The following SCART1 variants were observed in gnomAD, a reference collection of about 807,000 sequenced individuals.
The protein encoded by SCART1 is scavenger receptor family member expressed on T cells 1.
In SCART1, 62 loss-of-function variants were observed where a neutral mutation model predicts 36.2. The observed-to-expected ratio is 1.71, with a 90% confidence interval of 1.40 to 2.12. SCART1 has a LOEUF of 2.12. SCART1 is among the 30% of genes most tolerant of loss of function. The pLI is 0.00. For missense variants in SCART1, 1,041 were observed against 540.5 expected (o/e 1.93, Z -9.18); for synonymous variants, 487 against 238.7 (o/e 2.04, Z -9.59).
At chr10:133,456,579 C>CGGGGCTGAG (rs1850615779) in intron 2 of SCART1, 25 bp downstream of exon 2, 2 of 632,868 alleles carry the variant, frequency 3.2e-6, no homozygotes, top group Non-Finnish European at 5.7e-6. Context: ...GTGAAGGGGA[C>CGGGGCTGAG]GGGGCTGAGG....
rs921843724 is a variant in SCART1, at chr10:133,459,695, G to A, written c.1494G>A (p.Leu498=). The A allele has an allele frequency of 5.7e-6, 4 of 700,264 alleles. No individual in the cohort carries two copies. The Admixed American group carries it at 8.0e-5, about 14-fold the overall frequency. The allele number at this position is 700,264 out of a possible 1,614,324, so 43.4% of individuals were successfully genotyped here. The change falls in exon 6 of 12, where the codon CTG becomes CTA. Residue 498 remains leucine (L), a synonymous_variant. Transcript: ENST00000640237. ...GCCGCGGATCCGTCCAGGTGGCGCTGAGCCGCGTGCGCTGTCTGGGCACCG... is the reference window on the plus strand; with the variant it reads ...GCCGCGGATCCGTCCAGGTGGCGCTAAGCCGCGTGCGCTGTCTGGGCACCG...
exon 8 of SCART1, chr10:133,465,164 C>T (rs762919425): frequency 3.7e-5 from 26 of 702,942 alleles, no homozygotes; most frequent in Middle Eastern, 4.6e-4. Context: ...CCTCCTGGCT[C>T]GGCTGCCCAG....
chr10:133,463,716 C>T (rs1850730695), intron 6 of SCART1, among the ~76,000 whole-genome samples: 1 of 152,050 alleles, frequency 6.6e-6, no homozygotes, highest in Admixed American at 6.5e-5. Context: ...AATCTTTGTA[C>T]ATCTCTATGG....
chr10:133,456,463 G>A (rs1346094025), exon 2 of SCART1: 1 of 702,128 alleles, frequency 1.4e-6, no homozygotes, highest in African/African-American at 1.7e-5. Context: ...TGTCCTGCCG[G>A]GGCAACGAGT....
intron 11 of SCART1, 79 bp downstream of exon 11, chr10:133,467,432 T>C: frequency 1.6e-6 from 1 of 633,362 alleles, no homozygotes; most frequent in Non-Finnish European, 2.8e-6. Flanking sequence ...GGAAAGGGAC[T>C]CTGACCACAG....
At chr10:133,461,867 TG>T (rs748674718) in intron 6 of SCART1, among the ~76,000 whole-genome samples, 10 of 152,210 alleles carry the variant, frequency 6.6e-5, no homozygotes, top group Non-Finnish European at 1.5e-4. Context: ...CCTTGCTCTC[TG>T]GTTTGCAGCA....
At chr10:133,459,896 T>G in exon 6 of SCART1, 1 of 545,212 alleles carries the variant, frequency 1.8e-6, no homozygotes, top group Non-Finnish European at 3.2e-6. Flanking sequence ...AGGGTGCGGC[T>G]GGCCGCGGGG....
At chr10:133,467,934 A>G in exon 12 of SCART1, 1 of 698,942 alleles carries the variant, frequency 1.4e-6, no homozygotes, top group Non-Finnish European at 2.6e-6. Flanking sequence ...GGATATGACG[A>G]GGCTGCGTTT....
At chr10:133,458,744 T>C in intron 4 of SCART1, 88 bp downstream of exon 4, 1 of 680,218 alleles carries the variant, frequency 1.5e-6, no homozygotes, top group East Asian at 2.7e-5. Context: ...CTCTGGCCAG[T>C]AGGTGTGGGT....
At position 133,467,310 on chromosome 10, in the gene SCART1, TGAG is replaced by T. The variant is rs1331438958; in HGVS notation, c.2925_2927del (p.Glu975del). On this transcript the variant is annotated inframe_deletion, in exon 11 of 12. Transcript: ENST00000640237. ...TGGAGGCCGAGGCTGTGCTCCAAGA[TGAG>T]GAGGACGGAAGTGTGGTGAAGGTGG... The T allele has an allele frequency of 4.4e-5, 31 of 702,718 alleles. No individual in the cohort carries two copies. The African/African-American group carries it at 5.1e-4, about 11-fold the overall frequency. The allele number at this position is 702,718 out of a possible 1,614,324, so 43.5% of individuals were successfully genotyped here. A position where few individuals can be genotyped will look rare whatever the true frequency, so the allele number is the denominator to read the frequency against.
At chr10:133,460,082 C>T in exon 6 of SCART1, 1 of 518,224 alleles carries the variant, frequency 1.9e-6, no homozygotes, top group South Asian at 2.7e-5. Flanking sequence ...GCTGCCAGGG[C>T]CACGAGTCTG....
At chr10:133,456,015 G>A (rs1850605218) in intron 1 of SCART1, among the ~76,000 whole-genome samples, 1 of 152,088 alleles carries the variant, frequency 6.6e-6, no homozygotes, top group Admixed American at 6.5e-5. Context: ...AGGATGTTGG[G>A]GCTCCAGAGG....
intron 2 of SCART1, among the ~76,000 whole-genome samples, 157 bp downstream of exon 2, chr10:133,456,711 CCT>C (rs775221953): frequency 1.3e-5 from 2 of 151,964 alleles, no homozygotes; most frequent in Non-Finnish European, 2.9e-5. Flanking sequence ...GGGAGGGGCT[CCT>C]CTCTGGGCAC....
chr10:133,460,213 C>T (rs1026804776), intron 6 of SCART1, 43 bp downstream of exon 6: 12 of 449,714 alleles, frequency 2.7e-5, no homozygotes, highest in African/African-American at 4.1e-5. Flanking sequence ...TGTTTTATTA[C>T]GTACAGTCAT....
exon 12 of SCART1, chr10:133,468,900 TTC>T (rs1850790265): frequency 6.6e-6 from 1 of 152,196 alleles, no homozygotes; most frequent in Non-Finnish European, 1.5e-5. Context: ...ATTGTAGTAT[TTC>T]TGTTTAATTT....
At chr10:133,468,117 C>T in exon 12 of SCART1, 1 of 552,284 alleles carries the variant, frequency 1.8e-6, no homozygotes, top group South Asian at 2.4e-5. Flanking sequence ...TCCTTCCAGG[C>T]CCTGCCTGGC....
chr10:133,463,668 C>G (rs911440153), intron 6 of SCART1, among the ~76,000 whole-genome samples: 1 of 152,016 alleles, frequency 6.6e-6, no homozygotes, highest in African/African-American at 2.4e-5. Flanking sequence ...TCCATAGCAT[C>G]TATGTACCAC....
intron 3 of SCART1, 158 bp downstream of exon 3, chr10:133,457,733 C>T (rs776647200): frequency 1.2e-4 from 69 of 568,518 alleles, no homozygotes; most frequent in Non-Finnish European, 1.5e-4. Flanking sequence ...TCAGCTCTCA[C>T]GCTGGTTCTC....
In SCART1 at chr10:133,465,643, C is replaced by T. The variant is rs747135368; in HGVS notation, c.2659+78C>T. 121 of 595,008 alleles carry T rather than the reference C, an allele frequency of 2.0e-4. 2 individuals are homozygous for T. The Admixed American group carries it at 2.2e-3, about 11-fold the overall frequency. 36.9% of individuals were successfully genotyped at this position (595,008 alleles called of 1,614,324 possible). A position where few individuals can be genotyped will look rare whatever the true frequency, so the allele number is the denominator to read the frequency against. ...ATGGAGTCAGTCTTGAGTGTCACTT[C>T]GGTGGGCAGGAGAGCTCGCCCAGGT... On this transcript the variant is annotated intron_variant, in intron 9 of 11. Coordinates refer to ENST00000640237, the Ensembl canonical transcript of SCART1.
Sources: gnomAD v4.1 joint callset for allele counts (sites outside exome capture counted in the v4.1 genomes callset) on GRCh38, gnomAD v4.1.1 for gene constraint, MANE v1.5 for transcripts, NCBI Gene and HGNC (gene_info 2026-07-23, HGNC 2026-07-21) for gene names.